Variants in DIS3L2 observed in about 807,000 individuals in gnomAD.
The protein encoded by DIS3L2 is DIS3 like 3'-5' exoribonuclease 2.
DIS3L2 carries 34 observed loss-of-function variants against 97.5 expected under a neutral mutation model. The observed-to-expected ratio is 0.35, with a 90% CI of 0.27 to 0.46. The LOEUF (loss-of-function observed/expected upper bound fraction) is 0.46, where lower values mean the gene tolerates loss of function less well. Ranked by LOEUF, DIS3L2 falls within the 20% of genes least tolerant of loss-of-function variation. The pLI is 1.00. For missense variants in DIS3L2, 1,038 were observed against 1,146.0 expected, an observed-to-expected ratio of 0.91 and a Z score of 1.36; for synonymous variants, 435 against 445.2, an observed-to-expected ratio of 0.98 and a Z score of 0.29.
intron 5 of DIS3L2, among the ~76,000 whole-genome samples, chr2:232,059,722 G>C (rs187654660): frequency 6.6e-6 from 1 of 152,148 alleles, no homozygotes; most frequent in Non-Finnish European, 1.5e-5. Context: ...TTATAAGTGA[G>C]AACATGTGGT....
At chr2:232,132,426 G>A (rs1698247223) in intron 7 of DIS3L2, among the ~76,000 whole-genome samples, 1 of 152,168 alleles carries the variant, frequency 6.6e-6, no homozygotes, top group African/African-American at 2.4e-5. Flanking sequence ...TCCCACTGAG[G>A]ATAACTGTAA....
At chr2:232,024,179 C>A in intron 3 of DIS3L2, 98 bp from the exon 4 acceptor site, 1 of 800,836 alleles carries the variant, frequency 1.2e-6, no homozygotes, top group Non-Finnish European at 2.0e-6. Flanking sequence ...TCTCAAGTGA[C>A]CTGTTTAATT....
chr2:232,019,409 A>G (rs1214328759), intron 3 of DIS3L2, among the ~76,000 whole-genome samples: 1 of 152,118 alleles, frequency 6.6e-6, no homozygotes, highest in Non-Finnish European at 1.5e-5. Context: ...TCAGCCAGGC[A>G]TGGTGATGTG....
chr2:231,987,055 A>G (rs1272600857), intron 1 of DIS3L2, among the ~76,000 whole-genome samples: 1 of 152,222 alleles, frequency 6.6e-6, no homozygotes, highest in Non-Finnish European at 1.5e-5. Flanking sequence ...AGCATCAAGC[A>G]GCTGGTTGTC....
intron 5 of DIS3L2, among the ~76,000 whole-genome samples, chr2:232,035,106 T>G (rs1341589531): frequency 1.3e-5 from 2 of 152,204 alleles, no homozygotes; most frequent in Non-Finnish European, 2.9e-5. Flanking sequence ...GGTGTTAAAG[T>G]CTCCCACTAT....
At chr2:232,279,015 G>A (rs1694216464) in intron 13 of DIS3L2, among the ~76,000 whole-genome samples, 4 of 152,186 alleles carry the variant, frequency 2.6e-5, no homozygotes, top group Admixed American at 2.6e-4. Flanking sequence ...TTGGCTCACT[G>A]CAACCTCCGC....
intron 12 of DIS3L2, 30 bp from the exon 13 acceptor site, chr2:232,263,177 A>G (rs748324958): frequency 6.2e-7 from 1 of 1,607,552 alleles, no homozygotes; most frequent in Non-Finnish European, 8.5e-7. Context: ...TTGTCCTCAC[A>G]ATTCCCTTGT....
In DIS3L2 at chr2:232,037,499, A is replaced by G. The variant is rs140197654; in HGVS notation, c.366+7419A>G. Among the ~76,000 whole-genome samples, 328 of 152,256 alleles carry G rather than the reference A, an allele frequency of 2.2e-3. 1 individual carries two copies. Among genetic ancestry groups the G allele is most frequent in the African/African-American group, 7.3e-3 (305 of 41,546 alleles). On this transcript the variant is annotated intron_variant, in intron 5 of 20. Transcript: ENST00000325385. This position sits in a 1 kb window ranked among gnomAD's most constrained non-coding sequence, Gnocchi z 4.6. ...ATGAGGGTGGGATCCGCTGAGCTAGACCACTTGGCTCTCTGGCTTCAACCC... is the reference window on the plus strand; with the variant it reads ...ATGAGGGTGGGATCCGCTGAGCTAGGCCACTTGGCTCTCTGGCTTCAACCC...
At chr2:232,018,297 C>T (rs1694411730) in intron 3 of DIS3L2, among the ~76,000 whole-genome samples, 1 of 152,054 alleles carries the variant, frequency 6.6e-6, no homozygotes, top group Non-Finnish European at 1.5e-5. Context: ...TATAACAACT[C>T]TAATTCCCAG....
chr2:232,197,975 A>G (rs1691800236), intron 9 of DIS3L2, among the ~76,000 whole-genome samples: 2 of 151,996 alleles, frequency 1.3e-5, no homozygotes, highest in African/African-American at 4.8e-5. Flanking sequence ...ATTAAAAAAA[A>G]AAAAAAGAAA....
chr2:232,182,284 G>A (rs142012147), intron 9 of DIS3L2, among the ~76,000 whole-genome samples: 1 of 151,708 alleles, frequency 6.6e-6, no homozygotes, highest in African/African-American at 2.4e-5. Flanking sequence ...ATTCTATTTT[G>A]GTCAGAGAAC....
At chr2:232,265,051 C>G (rs886675783) in intron 13 of DIS3L2, among the ~76,000 whole-genome samples, 1 of 152,200 alleles carries the variant, frequency 6.6e-6, no homozygotes, top group African/African-American at 2.4e-5. Context: ...ACCTACTTTC[C>G]TTCCTTTAAG....
At chr2:232,002,741 G>C (rs576151420) in intron 1 of DIS3L2, among the ~76,000 whole-genome samples, 2 of 152,076 alleles carry the variant, frequency 1.3e-5, no homozygotes, top group Non-Finnish European at 2.9e-5. Context: ...CTTTTACCTA[G>C]TTATCACCTG....
At chr2:232,069,894 G>C (rs1429936007) in intron 5 of DIS3L2, among the ~76,000 whole-genome samples, 2 of 152,134 alleles carry the variant, frequency 1.3e-5, no homozygotes, top group Non-Finnish European at 2.9e-5. Flanking sequence ...CTCTCAATTT[G>C]ATCAGTTTGT....
intron 14 of DIS3L2, among the ~76,000 whole-genome samples, chr2:232,305,258 A>G (rs756836068): frequency 2.2e-4 from 33 of 152,054 alleles, no homozygotes; most frequent in Non-Finnish European, 3.7e-4. Flanking sequence ...TTGTATTTTT[A>G]GTAGAGATGG....
intron 14 of DIS3L2, among the ~76,000 whole-genome samples, chr2:232,315,695 G>C (rs896039621): frequency 6.6e-6 from 1 of 152,192 alleles, no homozygotes; most frequent in African/African-American, 2.4e-5. Flanking sequence ...CATGTTTGCT[G>C]TCTGTTCTGC....
chr2:232,087,917 C>T (rs552564626), intron 6 of DIS3L2, 196 bp downstream of exon 6: 27 of 547,826 alleles, frequency 4.9e-5, no homozygotes, highest in East Asian at 2.4e-4. Context: ...GTGCTTCCAG[C>T]GGTTTGTGTG....
At chr2:232,289,643 C>T (rs1574996972) in intron 13 of DIS3L2, among the ~76,000 whole-genome samples, 1 of 152,148 alleles carries the variant, frequency 6.6e-6, no homozygotes, top group South Asian at 2.1e-4. Flanking sequence ...ACTAACCCAC[C>T]CTTGAGGAAG....
chr2:232,255,480 G>A (rs1409026961), intron 12 of DIS3L2, among the ~76,000 whole-genome samples: 1 of 152,108 alleles, frequency 6.6e-6, no homozygotes, highest in Non-Finnish European at 1.5e-5. Context: ...TTTTCTTAAC[G>A]CCTACTAAAT....
Sources: gnomAD v4.1 joint callset for allele counts (sites outside exome capture counted in the v4.1 genomes callset) on GRCh38, gnomAD v4.1.1 for gene constraint, Gnocchi (gnomAD v3.1) non-coding constraint, MANE v1.5 for transcripts, NCBI Gene and HGNC (gene_info 2026-07-23, HGNC 2026-07-21) for gene names.